Variants in TTYH2 observed in about 807,000 individuals in gnomAD.
TTYH2 encodes the protein tweety family member 2.
A neutral mutation model predicts 68.3 loss-of-function variants in TTYH2; 49 were observed. The ratio of observed to expected loss-of-function variants is 0.72; its 90% CI spans 0.57 to 0.91. The LOEUF is 0.91. TTYH2 is among the 40% of genes least tolerant of loss of function. The probability of loss-of-function intolerance (pLI) is 0.00; values close to 1 mark genes in which losing one functional copy is unlikely to be tolerated. For synonymous variants in TTYH2, 272 were observed against 300.8 expected, an observed-to-expected ratio of 0.90 and a Z score of 0.99; for missense variants, 631 against 700.4, an observed-to-expected ratio of 0.90 and a Z score of 1.12.
At chr17:74,225,149 G>C (rs560095693) in intron 2 of TTYH2, among the ~76,000 whole-genome samples, 1 of 152,200 alleles carries the variant, frequency 6.6e-6, no homozygotes, top group African/African-American at 2.4e-5. Flanking sequence ...TGGCAAAGGT[G>C]GGGGCAGGGG....
rs1312073262 is a variant in TTYH2 at position 74,215,348 on chromosome 17, C to T, written c.129+1632C>T. 2.6e-5 allele frequency among the ~76,000 whole-genome samples: 4 copies of T among 152,114 alleles called. No individual in the cohort carries two copies. The highest frequency in any genetic ancestry group is 7.2e-5 in the African/African-American group (3 of 41,416). On this transcript the variant is annotated intron_variant, in intron 1 of 13. Transcript: ENST00000269346. This position sits in a 1 kb window ranked among gnomAD's most constrained non-coding sequence, Gnocchi z 4.3. ...TAGGGATGGTAAGGGGACTCCCTCA[C>T]CCTGATGGCCCCAGAGACAGTTCCT...
intron 8 of TTYH2, 71 bp downstream of exon 8, chr17:74,249,470 AC>A: frequency 6.4e-7 from 1 of 1,551,882 alleles, no homozygotes; most frequent in Non-Finnish European, 8.9e-7. Flanking sequence ...CTCACCACTG[AC>A]CAAGATGGCG....
chr17:74,245,421 C>T (rs1409856886), intron 6 of TTYH2, among the ~76,000 whole-genome samples: 1 of 152,248 alleles, frequency 6.6e-6, no homozygotes, highest in Non-Finnish European at 1.5e-5. Context: ...CGGCGAACTC[C>T]TCCAGGGCCC....
At position 74,253,956 on chromosome 17, in the gene TTYH2, C is replaced by A; in HGVS notation, c.1524+123C>A. On this transcript the variant is annotated intron_variant, in intron 13 of 13. Transcript: ENST00000269346. The stretch of plus-strand genomic sequence containing the variant: ...AAACTGTTCTGTTATTGAATATGCA[C>A]TAAACCAGACCGTCGTGGGTATCCC... 3.9e-6 allele frequency: 4 copies of A among 1,029,692 alleles called. No individual in the cohort carries two copies. In the South Asian group the frequency reaches 5.5e-5, roughly 14 times the overall value. The allele number at this position is 1,029,692 out of a possible 1,614,324, so 63.8% of individuals were successfully genotyped here. A position where few individuals can be genotyped will look rare whatever the true frequency, so the allele number is the denominator to read the frequency against.
chr17:74,227,213 G>T (rs538212086), intron 2 of TTYH2, among the ~76,000 whole-genome samples: 1 of 152,274 alleles, frequency 6.6e-6, no homozygotes, highest in East Asian at 1.9e-4. Flanking sequence ...GACCTCAGGT[G>T]ATCTGCCTGC....
At chr17:74,235,254 A>G (rs2050431082) in intron 3 of TTYH2, among the ~76,000 whole-genome samples, 1 of 152,140 alleles carries the variant, frequency 6.6e-6, no homozygotes, top group South Asian at 2.1e-4. Flanking sequence ...CGAGAGTGGA[A>G]TCTAATCGGC....
chr17:74,213,853 C>A lies in TTYH2; in HGVS notation c.129+137C>A. On this transcript the variant is annotated intron_variant, in intron 1 of 13. Coordinates refer to ENST00000269346, the MANE Select transcript of TTYH2 (RefSeq NM_032646.6). The surrounding 1 kb of genome is among the most constrained non-coding windows in gnomAD (Gnocchi z 6.1). The stretch of plus-strand genomic sequence containing the variant: ...CCCGCGCAGCCCTTTCCCGTCTCCC[C>A]TCTCCCCTTTTCCCCCACCCTCCCA... The A allele has an allele frequency of 8.5e-7, 1 of 1,170,670 alleles. No individual in the cohort carries two copies. The highest frequency in any genetic ancestry group is 2.5e-5 in the Admixed American group (1 of 39,626). The allele number at this position is 1,170,670 out of a possible 1,614,324, so 72.5% of individuals were successfully genotyped here.
At chr17:74,225,846 GA>G in intron 2 of TTYH2, among the ~76,000 whole-genome samples, 1 of 152,182 alleles carries the variant, frequency 6.6e-6, no homozygotes, top group African/African-American at 2.4e-5. Flanking sequence ...CAGGGCAGGG[GA>G]CAGAGGAGGG....
intron 6 of TTYH2, 43 bp downstream of exon 6, chr17:74,244,092 G>T (rs1435490849): frequency 6.3e-7 from 1 of 1,579,962 alleles, no homozygotes. Context: ...TGGTTGGTCT[G>T]CCAGGACACT....
chr17:74,224,341 C>T (rs778433636), intron 2 of TTYH2, among the ~76,000 whole-genome samples: 5 of 152,064 alleles, frequency 3.3e-5, no homozygotes, highest in Non-Finnish European at 5.9e-5. Flanking sequence ...GAGCCATGAT[C>T]GCTCCATCGC....
Position 74,222,517 on chromosome 17 carries a change from C to G in TTYH2, c.162C>G (p.Val54=). 6.2e-7 allele frequency: 1 copy of G among 1,611,604 alleles called. No individual in the cohort carries two copies. The highest frequency in any genetic ancestry group is 8.5e-7 in the Non-Finnish European group (1 of 1,179,866). Reference sequence around the variant, plus strand: ...TGTTCCTGGGGCTGGTGGCCGCCGTCTGCCTGGGCCTGAACCTCATCTTCC... The same window carrying G: ...TGTTCCTGGGGCTGGTGGCCGCCGTGTGCCTGGGCCTGAACCTCATCTTCC... The part of the protein sequence containing the change: ...SLLFLGLVAA[V]CLGLNLIFLV... Residue 54 remains valine, a synonymous_variant, in exon 2 of 14, where the codon GTC becomes GTG. Coordinates refer to ENST00000269346, the MANE Select transcript of TTYH2 (RefSeq NM_032646.6). The surrounding 1 kb of genome is among the most constrained non-coding windows in gnomAD (Gnocchi z 5.2).
intron 2 of TTYH2, among the ~76,000 whole-genome samples, chr17:74,225,936 G>A (rs1245757729): frequency 6.6e-6 from 1 of 152,344 alleles, no homozygotes; most frequent in Middle Eastern, 3.4e-3. Context: ...GGAGAGCAGC[G>A]GGCTTACACC....
intron 4 of TTYH2, 99 bp downstream of exon 4, chr17:74,237,613 T>A: frequency 9.3e-7 from 1 of 1,080,960 alleles, no homozygotes. Flanking sequence ...GAAGGGCCAC[T>A]GGAAAGTATT....
intron 13 of TTYH2, 55 bp from the exon 14 acceptor site, chr17:74,260,074 G>T: frequency 6.5e-7 from 1 of 1,532,138 alleles, no homozygotes; most frequent in Non-Finnish European, 9.0e-7. Flanking sequence ...CACCTTTGCT[G>T]GTGCAGTGCT....
intron 3 of TTYH2, among the ~76,000 whole-genome samples, chr17:74,236,042 C>T (rs757631979): frequency 1.3e-5 from 2 of 152,148 alleles, no homozygotes; most frequent in Admixed American, 6.5e-5. Context: ...GATGGCCAGC[C>T]GTCAACTTTC....
intron 3 of TTYH2, among the ~76,000 whole-genome samples, chr17:74,237,086 G>A (rs545205442): frequency 6.6e-6 from 1 of 151,960 alleles, no homozygotes; most frequent in African/African-American, 2.4e-5. Context: ...TTTTTGTAGA[G>A]ACAGGGTCTC....
chr17:74,244,380 G>A (rs1236414148), intron 6 of TTYH2, among the ~76,000 whole-genome samples: 5 of 152,194 alleles, frequency 3.3e-5, no homozygotes, highest in Non-Finnish European at 7.3e-5. Flanking sequence ...TTCTCTCTGG[G>A]TGTGAAGAAC....
At chr17:74,218,404 G>A (rs2050242113) in intron 1 of TTYH2, among the ~76,000 whole-genome samples, 2 of 152,082 alleles carry the variant, frequency 1.3e-5, no homozygotes, top group Admixed American at 1.3e-4. Flanking sequence ...TGGGCAGGGT[G>A]GCTCATGCCT....
In TTYH2 at chr17:74,249,039, A is replaced by G; in HGVS notation, c.833A>G (p.Asp278Gly). 6.2e-7 allele frequency: 1 copy of G among 1,613,998 alleles called. No individual in the cohort carries two copies. Residue 278 changes from aspartate to glycine, a missense_variant, in exon 7 of 14, where the codon GAC becomes GGC. By Grantham distance (94) the Asp-to-Gly change is moderately conservative. Coordinates refer to ENST00000269346, the MANE Select transcript of TTYH2 (RefSeq NM_032646.6). Reference protein sequence around the residue: ...VATSDFCVAPDTFILNVTEGQ... With the variant: ...VATSDFCVAPGTFILNVTEGQ... ...ACCAGTGACTTCTGTGTGGCTCCTGACACCTTCATCCTGAACGTCACGGAG... is the reference window on the plus strand; with the variant it reads ...ACCAGTGACTTCTGTGTGGCTCCTGGCACCTTCATCCTGAACGTCACGGAG...
Sources: allele counts gnomAD v4.1 joint callset (sites outside exome capture counted in the v4.1 genomes callset), GRCh38; gene constraint gnomAD v4.1.1; non-coding constraint Gnocchi (gnomAD v3.1); transcripts MANE v1.5; gene names NCBI Gene and HGNC (gene_info 2026-07-23, HGNC 2026-07-21).